The following RNF150 variants were observed in gnomAD, a reference collection of about 807,000 sequenced individuals.
RNF150 encodes the protein ring finger protein 150.
RNF150 carries 24 observed loss-of-function variants against 39.3 expected under a neutral mutation model. The ratio of observed to expected loss-of-function variants is 0.61; its 90% CI spans 0.44 to 0.86. The LOEUF is 0.86. RNF150 is among the 40% of genes least tolerant of loss of function. The pLI is 0.00. For missense variants in RNF150, 502 were observed against 587.8 expected (o/e 0.85, Z 1.51); for synonymous variants, 255 against 227.3 (o/e 1.12, Z -1.10).
intron 2 of RNF150, among the ~76,000 whole-genome samples, chr4:140,954,794 T>C (rs1268154106): frequency 1.3e-5 from 2 of 152,300 alleles, no homozygotes; most frequent in South Asian, 4.2e-4. Context: ...TAAGAAATTT[T>C]CCTCTTCCTC....
chr4:141,168,082 TA>T (rs1427072000), intron 1 of RNF150, among the ~76,000 whole-genome samples: 2 of 151,908 alleles, frequency 1.3e-5, no homozygotes, highest in African/African-American at 4.8e-5. Context: ...ATGAGGAACT[TA>T]AAAAAATTTA....
intron 1 of RNF150, among the ~76,000 whole-genome samples, chr4:141,057,401 C>T (rs1737023913): frequency 6.6e-6 from 1 of 151,818 alleles, no homozygotes; most frequent in Non-Finnish European, 1.5e-5. Flanking sequence ...CATGGTGTTA[C>T]TTCTTTTAAA....
At chr4:141,028,221 T>C (rs1735795540) in intron 1 of RNF150, among the ~76,000 whole-genome samples, 1 of 152,174 alleles carries the variant, frequency 6.6e-6, no homozygotes, top group Non-Finnish European at 1.5e-5. Flanking sequence ...AAATGGTTGA[T>C]GGGTTCACAT....
intron 1 of RNF150, among the ~76,000 whole-genome samples, chr4:141,185,631 G>A (rs1207860777): frequency 6.6e-6 from 1 of 152,128 alleles, no homozygotes; most frequent in African/African-American, 2.4e-5. Flanking sequence ...AATGCTTCCA[G>A]CTTTTGCTCA....
chr4:141,132,333 G>T lies in RNF150; in HGVS notation c.476C>A (p.Pro159His). 6.3e-7 allele frequency: 1 copy of T among 1,577,172 alleles called. No homozygotes were observed. The highest frequency in any genetic ancestry group is 1.3e-5 in the African/African-American group (1 of 74,254). The change falls in exon 1 of 7, where the codon CCC becomes CAC. Residue 159 changes from proline (P) to histidine (H), a missense_variant. Pro to His is a moderately conservative substitution (Grantham distance 77). Coordinates refer to ENST00000515673, the MANE Select transcript of RNF150 (RefSeq NM_020724.2). This position sits in a 1 kb window ranked among gnomAD's most constrained non-coding sequence, Gnocchi z 4.9. The part of the protein sequence containing the change: ...GSNTNETITM[P>H]HAGVEDIVAI... ...CCCGCTGGGCCACTCACCCGCGTGGGGCATGGTGATGGTCTCGTTGGTGTT... is the reference window on the plus strand; with the variant it reads ...CCCGCTGGGCCACTCACCCGCGTGGTGCATGGTGATGGTCTCGTTGGTGTT...
intron 1 of RNF150, among the ~76,000 whole-genome samples, chr4:141,051,862 T>A (rs936578087): frequency 2.6e-5 from 4 of 152,180 alleles, no homozygotes; most frequent in African/African-American, 9.7e-5. Context: ...AATGCCTTAG[T>A]CCCAGTCACA....
chr4:140,954,614 G>T (rs1458648968), intron 2 of RNF150, among the ~76,000 whole-genome samples: 2 of 152,064 alleles, frequency 1.3e-5, no homozygotes, highest in African/African-American at 4.8e-5. Flanking sequence ...CAAGGTTACT[G>T]GTTTATTGAC....
intron 5 of RNF150, among the ~76,000 whole-genome samples, chr4:140,920,395 C>A (rs1463468116): frequency 6.8e-6 from 1 of 147,590 alleles, no homozygotes; most frequent in African/African-American, 2.5e-5. Flanking sequence ...ACAGACACTT[C>A]TCAAAAGAGA....
At chr4:141,131,161 A>G (rs1310742241) in intron 1 of RNF150, among the ~76,000 whole-genome samples, 1 of 152,254 alleles carries the variant, frequency 6.6e-6, no homozygotes, top group East Asian at 1.9e-4. Flanking sequence ...GTCCCCAAAG[A>G]GAACACCCCT....
chr4:141,070,026 A>AT (rs964227384), intron 1 of RNF150, among the ~76,000 whole-genome samples: 1 of 152,006 alleles, frequency 6.6e-6, no homozygotes, highest in Non-Finnish European at 1.5e-5. Flanking sequence ...GGATTCATTG[A>AT]TTTTTTGAAG....
chr4:141,186,575 T>A (rs1052601737), intron 1 of RNF150, among the ~76,000 whole-genome samples: 1 of 62,458 alleles, frequency 1.6e-5, no homozygotes, highest in African/African-American at 3.2e-5. Context: ...TTTTTTTGTA[T>A]TTTTTTTTTT....
intron 6 of RNF150, chr4:140,910,941 T>C (rs1730572951): frequency 1.7e-6 from 1 of 600,928 alleles, no homozygotes; most frequent in Admixed American, 3.0e-5. Context: ...GGCAGGAGCA[T>C]GGGCACACAG....
At chr4:141,091,004 T>C (rs1738560787) in intron 1 of RNF150, among the ~76,000 whole-genome samples, 1 of 152,180 alleles carries the variant, frequency 6.6e-6, no homozygotes, top group Non-Finnish European at 1.5e-5. Context: ...CTATTCTACT[T>C]GGTGAGTCCA....
chr4:140,925,085 G>T (rs746588669), intron 5 of RNF150, among the ~76,000 whole-genome samples: 2 of 152,212 alleles, frequency 1.3e-5, no homozygotes, highest in East Asian at 3.8e-4. Context: ...CAATAGGCAG[G>T]TGGCAGCAAA....
chr4:141,024,302 G>A (rs1000052049), intron 1 of RNF150, among the ~76,000 whole-genome samples: 10 of 152,056 alleles, frequency 6.6e-5, no homozygotes, highest in African/African-American at 2.4e-4. Context: ...AGCTTAAGAA[G>A]GCTGTCTTAA....
intron 1 of RNF150, among the ~76,000 whole-genome samples, chr4:141,149,105 G>T (rs749093546): frequency 6.6e-6 from 1 of 152,136 alleles, no homozygotes. Flanking sequence ...AACTATCCCT[G>T]AACATTTTTA....
chr4:141,148,690 C>G (rs1404493459), intron 1 of RNF150, among the ~76,000 whole-genome samples: 2 of 152,214 alleles, frequency 1.3e-5, no homozygotes, highest in Non-Finnish European at 2.9e-5. Flanking sequence ...ATCCACCTGC[C>G]TTGGCCTCCC....
At chr4:140,981,188 A>G (rs536369545) in intron 1 of RNF150, among the ~76,000 whole-genome samples, 3 of 152,314 alleles carry the variant, frequency 2.0e-5, no homozygotes, top group African/African-American at 7.2e-5. Flanking sequence ...TAAAAGACCA[A>G]CTACAGGTTG....
At chr4:140,876,544 A>G (rs1397904495) in intron 6 of RNF150, among the ~76,000 whole-genome samples, 1 of 152,186 alleles carries the variant, frequency 6.6e-6, no homozygotes, top group Non-Finnish European at 1.5e-5. Flanking sequence ...AGGGTATGCA[A>G]TAGGGTGGAT....
Sources: allele counts gnomAD v4.1 joint callset (sites outside exome capture counted in the v4.1 genomes callset), GRCh38; gene constraint gnomAD v4.1.1; non-coding constraint Gnocchi (gnomAD v3.1); transcripts MANE v1.5; gene names NCBI Gene and HGNC (gene_info 2026-07-23, HGNC 2026-07-21).